The following EFCAB3 variants were observed in gnomAD, a reference collection of about 807,000 sequenced individuals.
EFCAB3 encodes the protein EF-hand calcium-binding domain-containing protein 3.
A neutral mutation model predicts 42.2 loss-of-function variants in EFCAB3; 36 were observed. That is an observed-to-expected ratio of 0.85 (90% CI 0.65 to 1.13). The LOEUF (loss-of-function observed/expected upper bound fraction) is 1.13, where lower values mean the gene tolerates loss of function less well. Among genes scored for constraint, EFCAB3 ranks in the 50% most tolerant of loss-of-function variants. The pLI, the probability that EFCAB3 is intolerant of heterozygous loss-of-function variation, is 0.00. For synonymous variants in EFCAB3, 170 were observed against 172.8 expected, an observed-to-expected ratio of 0.98 and a Z score of 0.13; for missense variants, 418 against 505.1, an observed-to-expected ratio of 0.83 and a Z score of 1.65.
intron 3 of EFCAB3, among the ~76,000 whole-genome samples, chr17:62,391,370 G>A (rs2070301135): frequency 6.6e-6 from 1 of 151,864 alleles, no homozygotes; most frequent in Non-Finnish European, 1.5e-5. Context: ...TTAGCAAGCA[G>A]AGAAGCTCCT....
chr17:62,373,450 C>CAAAA (rs35615092), intron 1 of EFCAB3, among the ~76,000 whole-genome samples: 7 of 140,542 alleles, frequency 5.0e-5, no homozygotes, highest in African/African-American at 1.8e-4. Flanking sequence ...CCCATCTCTA[C>CAAAA]AAAAAAAAAA....
At chr17:62,404,466 C>G (rs2070431495) in intron 6 of EFCAB3, among the ~76,000 whole-genome samples, 1 of 152,150 alleles carries the variant, frequency 6.6e-6, no homozygotes, top group African/African-American at 2.4e-5. Context: ...TGTACTCCAG[C>G]CTGGGAGACC....
chr17:62,374,402 A>C (rs1416704881), intron 2 of EFCAB3, among the ~76,000 whole-genome samples: 1 of 152,176 alleles, frequency 6.6e-6, no homozygotes, highest in African/African-American at 2.4e-5. Context: ...CGGAGGTTGC[A>C]GCGAGCCGAG....
intron 2 of EFCAB3, among the ~76,000 whole-genome samples, chr17:62,383,603 TA>T (rs2070223192): frequency 6.6e-6 from 1 of 152,208 alleles, no homozygotes; most frequent in African/African-American, 2.4e-5. Flanking sequence ...AAATATTTTT[TA>T]TGAAAAGAAA....
rs182318967 is a variant in EFCAB3, at chr17:62,372,503, A to G, written c.35-1311A>G. Among the ~76,000 whole-genome samples, 348 of 152,090 alleles carry G rather than the reference A, an allele frequency of 2.3e-3. 1 individual carries two copies. The highest frequency in any genetic ancestry group is 0.01 in the Middle Eastern group (3 of 294). On this transcript the variant is annotated intron_variant, in intron 1 of 11. Transcript: ENST00000450662. ...CACCGTGTTGCCCAGGCTGGTCTCC[A>G]ACTCCTGGGTTCAAGTGATCTGCCT...
Position 62,406,497 on chromosome 17 carries a change from T to C in EFCAB3, c.506T>C (p.Phe169Ser). ...TTTTAAAGCTATTTCCAAAGAAAAT[T>C]CCAGCATACTGGCCCAGGAATGTTG... ...IEIVSYFQRK[F>S]QHTGPGMLWS... The change falls in exon 7 of 10, where the codon TTC (phenylalanine) becomes TCC (serine). Residue 169 changes from phenylalanine to serine, a missense_variant. Transcript: ENST00000305286. The C allele has an allele frequency of 6.3e-7, 1 of 1,588,762 alleles. No homozygotes were observed. The highest frequency in any genetic ancestry group is 8.6e-7 in the Non-Finnish European group (1 of 1,168,658).
At position 62,412,310 on chromosome 17, in the gene EFCAB3, AG is replaced by A. The variant is rs1448348724; in HGVS notation, c.868-1420del. Among the ~76,000 whole-genome samples the A allele has an allele frequency of 1.4e-5, 2 of 146,002 alleles. 1 individual carries two copies. The highest frequency in any genetic ancestry group is 3.0e-5 in the Non-Finnish European group (2 of 66,938). ...AGAATCACTTGAACCCGGGAGGCAA[AG>A]GTTGCAGTGAGCCAAGATCCCACCA... On this transcript the variant is annotated intron_variant, in intron 8 of 9. Transcript: ENST00000305286.
intron 5 of EFCAB3, 87 bp from the exon 6 acceptor site, chr17:62,394,981 T>C: frequency 2.0e-6 from 3 of 1,513,952 alleles, no homozygotes; most frequent in Non-Finnish European, 1.8e-6. Context: ...TGACTTGATA[T>C]TATTATTGTA....
At chr17:62,398,771 T>C (rs1472915507) in intron 6 of EFCAB3, among the ~76,000 whole-genome samples, 1 of 152,146 alleles carries the variant, frequency 6.6e-6, no homozygotes, top group African/African-American at 2.4e-5. Context: ...TGTGGATATT[T>C]GAATAAATAT....
chr17:62,371,296 C>T (rs753385140), intron 1 of EFCAB3, among the ~76,000 whole-genome samples: 2 of 151,732 alleles, frequency 1.3e-5, no homozygotes, highest in East Asian at 1.9e-4. Context: ...GGCTCACACC[C>T]GTAATCCCAA....
chr17:62,412,625 C>T (rs2070509212), intron 8 of EFCAB3, among the ~76,000 whole-genome samples: 1 of 151,744 alleles, frequency 6.6e-6, no homozygotes, highest in Admixed American at 6.6e-5. Context: ...CCACCATGCC[C>T]AGCTAGTTTT....
intron 7 of EFCAB3, 83 bp downstream of exon 7, chr17:62,406,756 T>A (rs2070451709): frequency 6.8e-7 from 1 of 1,462,540 alleles, no homozygotes; most frequent in South Asian, 1.3e-5. Flanking sequence ...AGAGCCCAAA[T>A]GGCATAAGAA....
At position 62,416,029 on chromosome 17, in the gene EFCAB3, T is replaced by A. The variant is rs778145715; in HGVS notation, c.1017T>A (p.Asn339Lys). The change falls in exon 10 of 10, where the codon AAT (asparagine) becomes AAA (lysine). Residue 339 changes from asparagine to lysine, a missense_variant. Asn to Lys is a moderately conservative substitution (Grantham distance 94). Coordinates refer to ENST00000305286, the MANE Select transcript of EFCAB3 (RefSeq NM_173503.4). ...TGAAGAGAGCTACTGATACCTATAA[T>A]TTAGGAATTGCCCTTGAACACCGAA... Reference protein sequence around the residue: ...QHVKRATDTYNLGIALEHRKE... With the variant: ...QHVKRATDTYKLGIALEHRKE... 1.0e-4 allele frequency: 161 copies of A among 1,613,404 alleles called. No individual in the cohort carries two copies. The East Asian group carries it at 3.5e-3, about 35-fold the overall frequency.
chr17:62,385,745 A>T (rs2070243338), intron 2 of EFCAB3, among the ~76,000 whole-genome samples: 1 of 119,218 alleles, frequency 8.4e-6, no homozygotes, highest in African/African-American at 3.2e-5. Context: ...TTTGAGACAG[A>T]GTCTTGCTCT....
chr17:62,414,240 C>T (rs1259499260), intron 9 of EFCAB3, among the ~76,000 whole-genome samples: 5 of 152,114 alleles, frequency 3.3e-5, no homozygotes, highest in African/African-American at 9.7e-5. Context: ...ACCAGCTGCA[C>T]CAGGGCTAAG....
At chr17:62,374,000 T>A (rs879453481) in intron 2 of EFCAB3, 8 of 482,322 alleles carry the variant, frequency 1.7e-5, no homozygotes, top group Non-Finnish European at 2.9e-5. Context: ...AATGAAAAGA[T>A]GAAAAAAGGA....
At chr17:62,383,561 T>C (rs746956648) in intron 2 of EFCAB3, among the ~76,000 whole-genome samples, 2 of 152,186 alleles carry the variant, frequency 1.3e-5, no homozygotes, top group Non-Finnish European at 2.9e-5. Flanking sequence ...ATGATAACTT[T>C]AGTTATAAAA....
intron 6 of EFCAB3, among the ~76,000 whole-genome samples, chr17:62,400,378 C>T (rs2070390353): frequency 6.6e-6 from 1 of 152,146 alleles, no homozygotes; most frequent in South Asian, 2.1e-4. Context: ...TCCCTCCCTC[C>T]TCCACTGACC....
intron 3 of EFCAB3, among the ~76,000 whole-genome samples, chr17:62,387,986 G>A (rs1421789331): frequency 6.6e-6 from 1 of 152,116 alleles, no homozygotes; most frequent in African/African-American, 2.4e-5. Context: ...AGGCCGGGCC[G>A]ATCACCTGAG....
Sources: allele counts gnomAD v4.1 joint callset (sites outside exome capture counted in the v4.1 genomes callset), GRCh38; gene constraint gnomAD v4.1.1; transcripts MANE v1.5; gene names NCBI Gene and HGNC (gene_info 2026-07-23, HGNC 2026-07-21).